The following PRRC2B variants were observed in gnomAD, a reference collection of about 807,000 sequenced individuals.
PRRC2B encodes proline rich coiled-coil 2B, also known as protein PRRC2B.
A neutral mutation model predicts 242.3 loss-of-function variants in PRRC2B; 68 were observed. That is an observed-to-expected ratio of 0.28 (90% CI 0.23 to 0.34). The LOEUF is 0.34. PRRC2B is among the 10% of genes least tolerant of loss of function. PRRC2B has a pLI of 1.00. For synonymous variants in PRRC2B, 1,228 were observed against 1,173.6 expected (o/e 1.05, Z -0.95); for missense variants, 2,835 against 2,954.8 (o/e 0.96, Z 0.94).
intron 1 of PRRC2B, among the ~76,000 whole-genome samples, chr9:131,427,529 A>ATC (rs1283173993): frequency 1.3e-5 from 2 of 152,092 alleles, no homozygotes; most frequent in Non-Finnish European, 2.9e-5. Flanking sequence ...AAGGGGTTTC[A>ATC]CCGTGTTAGC....
At chr9:131,404,661 C>T (rs1280120818) in intron 1 of PRRC2B, among the ~76,000 whole-genome samples, 1 of 152,140 alleles carries the variant, frequency 6.6e-6, no homozygotes, top group African/African-American at 2.4e-5. Flanking sequence ...TCCACATGCA[C>T]GTTTGTATTC....
At chr9:131,478,323 T>G (rs1284179909) in intron 17 of PRRC2B, 151 bp from the exon 18 acceptor site, 4 of 754,866 alleles carry the variant, frequency 5.3e-6, no homozygotes, top group Non-Finnish European at 9.1e-6. Flanking sequence ...GGTAACAATG[T>G]GTTAGATCAG....
At chr9:131,461,408 C>T (rs1050233751) in intron 11 of PRRC2B, among the ~76,000 whole-genome samples, 3 of 152,210 alleles carry the variant, frequency 2.0e-5, no homozygotes, top group Non-Finnish European at 2.9e-5. Context: ...TCCCTGGCAC[C>T]AGGCTCCTGG....
intron 1 of PRRC2B, among the ~76,000 whole-genome samples, chr9:131,415,668 A>G (rs1001669462): frequency 6.6e-6 from 1 of 152,164 alleles, no homozygotes; most frequent in African/African-American, 2.4e-5. Context: ...CCTAGAGAGG[A>G]TGGTGATACT....
intron 9 of PRRC2B, among the ~76,000 whole-genome samples, chr9:131,452,107 TATAAG>T: frequency 1.6e-4 from 1 of 6,170 alleles, no homozygotes; most frequent in Non-Finnish European, 5.8e-4. Flanking sequence ...GTAAGATCAG[TATAAG>T]ATTGGTATTT....
At chr9:131,386,266 A>G (rs1248724409) in intron 1 of PRRC2B, among the ~76,000 whole-genome samples, 2 of 150,220 alleles carry the variant, frequency 1.3e-5, no homozygotes, top group African/African-American at 4.8e-5. Flanking sequence ...GTGTGCACCA[A>G]CATTCTCGGC....
chr9:131,407,880 A>G (rs981395833), intron 1 of PRRC2B, among the ~76,000 whole-genome samples: 1 of 152,144 alleles, frequency 6.6e-6, no homozygotes, highest in Admixed American at 6.5e-5. Context: ...GGGTGATAGT[A>G]AGGACAGCCA....
In PRRC2B at chr9:131,474,800, C is replaced by A. The variant is rs1588273411; in HGVS notation, c.2671C>A (p.Pro891Thr). Residue 891 changes from proline (P) to threonine (T), a missense_variant, in exon 16 of 32, where the codon CCC (proline) becomes ACC (threonine). Coordinates refer to ENST00000683519, the MANE Select transcript of PRRC2B (RefSeq NM_013318.4). Reference protein sequence around the residue: ...DTAHGVERETPREGTAFNISS... With the variant: ...DTAHGVERETTREGTAFNISS... ...AGCCCATGGTGTTGAGCGGGAGACACCCCGGGAGGGGACGGCCTTTAACAT... is the reference window on the plus strand; with the variant it reads ...AGCCCATGGTGTTGAGCGGGAGACAACCCGGGAGGGGACGGCCTTTAACAT... The A allele has an allele frequency of 1.9e-6, 3 of 1,612,444 alleles. No homozygotes were observed. Among genetic ancestry groups the A allele is most frequent in the Admixed American group, 3.3e-5 (2 of 59,926 alleles).
chr9:131,485,790 G>T, intron 25 of PRRC2B: 1 of 676,136 alleles, frequency 1.5e-6, no homozygotes, highest in Non-Finnish European at 2.8e-6. Context: ...CCCTTCGAGT[G>T]TCTGGGGTAG....
chr9:131,425,532 A>G (rs1006072894), intron 1 of PRRC2B, among the ~76,000 whole-genome samples: 7 of 151,952 alleles, frequency 4.6e-5, no homozygotes, highest in Admixed American at 2.6e-4. Flanking sequence ...TCTGTCACCC[A>G]GGCTGGCGTG....
upstream of PRRC2B, among the ~76,000 whole-genome samples, chr9:131,393,271 A>AG (rs1836936112): frequency 6.6e-6 from 1 of 152,306 alleles, no homozygotes; most frequent in East Asian, 1.9e-4. Context: ...TGACTGGAAG[A>AG]GGGTGGGATG....
At chr9:131,408,966 C>T (rs1470310327) in intron 1 of PRRC2B, among the ~76,000 whole-genome samples, 1 of 149,470 alleles carries the variant, frequency 6.7e-6, no homozygotes, top group African/African-American at 2.5e-5. Flanking sequence ...TGATCCACCC[C>T]CCTCGGCCTC....
chr9:131,381,611 G>A (rs1836761042), intron 1 of PRRC2B, among the ~76,000 whole-genome samples: 1 of 151,852 alleles, frequency 6.6e-6, no homozygotes, highest in Non-Finnish European at 1.5e-5. Flanking sequence ...AATAGAGATG[G>A]GGTTTCACCG....
At chr9:131,478,649 G>GCCCCCGGGCC in intron 18 of PRRC2B, 30 bp downstream of exon 18, 2 of 504,558 alleles carry the variant, frequency 4.0e-6, no homozygotes, top group East Asian at 5.1e-5. Context: ...GGGGCATGGG[G>GCCCCCGGGCC]CTGGAGGGCA....
intron 14 of PRRC2B, among the ~76,000 whole-genome samples, chr9:131,473,106 TC>T (rs1475592816): frequency 6.6e-6 from 1 of 152,152 alleles, no homozygotes; most frequent in Non-Finnish European, 1.5e-5. Flanking sequence ...GCCAGTCTGT[TC>T]CTGGTAGTAA....
At chr9:131,489,163 T>C (rs902822026) in intron 28 of PRRC2B, among the ~76,000 whole-genome samples, 4 of 151,220 alleles carry the variant, frequency 2.6e-5, no homozygotes, top group African/African-American at 7.3e-5. Context: ...TCACTCCCTC[T>C]AGTGACCCAA....
intron 1 of PRRC2B, among the ~76,000 whole-genome samples, chr9:131,425,479 T>G (rs1179833686): frequency 6.6e-6 from 1 of 151,458 alleles, no homozygotes; most frequent in Non-Finnish European, 1.5e-5. Context: ...TAAGAGGACT[T>G]TTGTTGTTGT....
intron 14 of PRRC2B, 52 bp from the exon 15 acceptor site, chr9:131,473,456 G>GGA: frequency 7.1e-7 from 1 of 1,398,626 alleles, no homozygotes; most frequent in Non-Finnish European, 9.8e-7. Flanking sequence ...CCCTGAGATT[G>GGA]GAGCAGGGCT....
chr9:131,455,052 TC>T (rs1413364837), intron 9 of PRRC2B, 23 bp from the exon 10 acceptor site: 2 of 1,585,138 alleles, frequency 1.3e-6, no homozygotes, highest in African/African-American at 1.3e-5. Flanking sequence ...TTCTCATTCT[TC>T]CTGGGCCCTC....
Sources: gnomAD v4.1 joint callset for allele counts (sites outside exome capture counted in the v4.1 genomes callset) on GRCh38, gnomAD v4.1.1 for gene constraint, MANE v1.5 for transcripts, NCBI Gene and HGNC (gene_info 2026-07-23, HGNC 2026-07-21) for gene names.